USP34: variants seen among roughly 807,000 people sequenced by gnomAD.
The protein encoded by USP34 is ubiquitin carboxyl-terminal hydrolase 34.
In USP34, 70 loss-of-function variants were observed where a neutral mutation model predicts 460.3. That is an observed-to-expected ratio of 0.15 (90% CI 0.13 to 0.19). The LOEUF (loss-of-function observed/expected upper bound fraction) is 0.19, where lower values mean the gene tolerates loss of function less well. Among genes scored for constraint, USP34 ranks in the 10% least tolerant of loss-of-function variants. USP34 has a pLI of 1.00. For synonymous variants in USP34, 1,647 were observed against 1,405.3 expected (o/e 1.17, Z -3.85); for missense variants, 3,985 against 4,236.2 (o/e 0.94, Z 1.65).
rs13034616 is a variant in USP34 at position 61,194,875 on chromosome 2, C to T, written c.9509-1895G>A. ...GGCTGACGCAGGAGAATTGCTTGAA[C>T]GCGGCAGGCGGAGGTTGCGGTGAGC... On this transcript the variant is annotated intron_variant, in intron 75 of 79. Coordinates refer to ENST00000398571, the MANE Select transcript of USP34 (RefSeq NM_014709.4). Among the ~76,000 whole-genome samples the T allele has an allele frequency of 9.8e-3, 1,486 of 151,420 alleles. 7 individuals are homozygous for T. The highest frequency in any genetic ancestry group is 0.014 in the Non-Finnish European group (978 of 67,982).
chr2:61,393,895 TG>T (rs1483179132), intron 5 of USP34, among the ~76,000 whole-genome samples: 2 of 152,160 alleles, frequency 1.3e-5, no homozygotes, highest in Non-Finnish European at 2.9e-5. Flanking sequence ...CTCAGCACTT[TG>T]GGAGGCCAAG....
intron 67 of USP34, 49 bp downstream of exon 67, chr2:61,220,261 C>T: frequency 7.1e-7 from 1 of 1,406,538 alleles, no homozygotes; most frequent in Non-Finnish European, 9.4e-7. Flanking sequence ...TGAAACATAA[C>T]TTTGAACAAT....
chr2:61,412,447 T>C (rs1448450834), intron 2 of USP34, among the ~76,000 whole-genome samples: 2 of 152,104 alleles, frequency 1.3e-5, no homozygotes, highest in African/African-American at 4.8e-5. Context: ...AGCACTGTAA[T>C]GTATGCAAAT....
intron 2 of USP34, among the ~76,000 whole-genome samples, chr2:61,415,646 G>C (rs1184125412): frequency 6.6e-6 from 1 of 152,166 alleles, no homozygotes; most frequent in Non-Finnish European, 1.5e-5. Context: ...ACAACAGAAA[G>C]GAGGGTGAGG....
At chr2:61,301,243 A>G (rs922345965) in intron 28 of USP34, 83 bp from the exon 29 acceptor site, 1 of 1,514,748 alleles carries the variant, frequency 6.6e-7, no homozygotes. Context: ...GAATCACTTA[A>G]AATTTTAATA....
intron 1 of USP34, among the ~76,000 whole-genome samples, chr2:61,467,831 C>T (rs1438580500): frequency 1.3e-5 from 2 of 151,914 alleles, no homozygotes; most frequent in Admixed American, 1.3e-4. Flanking sequence ...CCATATTGGC[C>T]AGGCTGGTCT....
At chr2:61,400,751 T>C (rs1007360402) in intron 3 of USP34, among the ~76,000 whole-genome samples, 4 of 152,040 alleles carry the variant, frequency 2.6e-5, no homozygotes, top group Admixed American at 1.3e-4. Context: ...CTTAGGACAC[T>C]GAAGGTGAAG....
At chr2:61,281,963 G>A (rs1014253397) in intron 37 of USP34, among the ~76,000 whole-genome samples, 3 of 152,138 alleles carry the variant, frequency 2.0e-5, no homozygotes, top group Non-Finnish European at 2.9e-5. Flanking sequence ...GAACACAAAT[G>A]ACATTATATC....
chr2:61,235,887 T>C lies in USP34; in HGVS notation c.6990A>G (p.Glu2330=). The change falls in exon 57 of 80, where the codon GAA becomes GAG. Residue 2330 remains glutamate, a synonymous_variant. Coordinates refer to ENST00000398571, the MANE Select transcript of USP34 (RefSeq NM_014709.4). ...KEKPTMLQWI[E]LLTKQFNNSQ... is the part of the protein sequence containing the mutation. Reference sequence around the variant, plus strand: ...TATTATTAAACTGTTTCGTCAACAGTTCAATCCACTGAAGCATCGTGGGCT... The same window carrying C: ...TATTATTAAACTGTTTCGTCAACAGCTCAATCCACTGAAGCATCGTGGGCT... The C allele has an allele frequency of 6.2e-7, 1 of 1,613,780 alleles. No homozygotes were observed. The highest frequency in any genetic ancestry group is 1.1e-5 in the South Asian group (1 of 90,952).
intron 21 of USP34, among the ~76,000 whole-genome samples, chr2:61,325,126 A>C (rs927786436): frequency 6.6e-6 from 1 of 152,140 alleles, no homozygotes; most frequent in African/African-American, 2.4e-5. Flanking sequence ...ATAAGGGATG[A>C]AAAATAAACT....
chr2:61,461,747 T>C (rs1369707604), intron 1 of USP34, among the ~76,000 whole-genome samples: 1 of 152,154 alleles, frequency 6.6e-6, no homozygotes, highest in Non-Finnish European at 1.5e-5. Flanking sequence ...ATATATCCTT[T>C]CTGGCAAGCA....
chr2:61,288,287 T>C (rs1475995138), intron 34 of USP34, among the ~76,000 whole-genome samples: 1 of 152,194 alleles, frequency 6.6e-6, no homozygotes, highest in Non-Finnish European at 1.5e-5. Context: ...AATGGCTCCT[T>C]ATCTGGCTTA....
At chr2:61,248,131 G>C (rs1352519907) in intron 49 of USP34, among the ~76,000 whole-genome samples, 1 of 132,758 alleles carries the variant, frequency 7.5e-6, no homozygotes, top group African/African-American at 2.8e-5. Context: ...AGTGAGCCAA[G>C]ATCATGCCAC....
At chr2:61,252,043 A>G (rs1572872936) in intron 48 of USP34, among the ~76,000 whole-genome samples, 2 of 152,128 alleles carry the variant, frequency 1.3e-5, no homozygotes, top group East Asian at 3.8e-4. Flanking sequence ...TAAGAAAAAT[A>G]AAATGTTATG....
intron 10 of USP34, among the ~76,000 whole-genome samples, chr2:61,363,066 C>T (rs528502348): frequency 1.4e-4 from 21 of 152,120 alleles, no homozygotes; most frequent in African/African-American, 4.1e-4. Flanking sequence ...GACATTTCTC[C>T]GAAGCAAATA....
At chr2:61,323,340 T>C (rs150692236) in intron 21 of USP34, among the ~76,000 whole-genome samples, 1 of 151,846 alleles carries the variant, frequency 6.6e-6, no homozygotes, top group Non-Finnish European at 1.5e-5. Flanking sequence ...TGAAACCCCG[T>C]CTCTACTAAA....
At chr2:61,279,121 G>A (rs968174392) in intron 39 of USP34, among the ~76,000 whole-genome samples, 3 of 150,682 alleles carry the variant, frequency 2.0e-5, no homozygotes, top group African/African-American at 4.9e-5. Flanking sequence ...AAAGTACAAT[G>A]TTTATTTGGC....
intron 22 of USP34, 37 bp from the exon 23 acceptor site, chr2:61,317,804 G>A: frequency 6.8e-7 from 1 of 1,476,666 alleles, no homozygotes; most frequent in Non-Finnish European, 9.4e-7. Context: ...AGCTAATTTA[G>A]TGTGGTAATT....
At chr2:61,308,630 C>CT (rs2103663865) in intron 27 of USP34, among the ~76,000 whole-genome samples, 1 of 152,188 alleles carries the variant, frequency 6.6e-6, no homozygotes, top group Non-Finnish European at 1.5e-5. Flanking sequence ...GGGTCCAGTG[C>CT]TAAATACCTA....
Sources: allele counts gnomAD v4.1 joint callset (sites outside exome capture counted in the v4.1 genomes callset), GRCh38; gene constraint gnomAD v4.1.1; transcripts MANE v1.5; gene names NCBI Gene and HGNC (gene_info 2026-07-23, HGNC 2026-07-21).